The following DNAH5 variants were observed in gnomAD, a reference collection of about 807,000 sequenced individuals.
The protein encoded by DNAH5 is dynein axonemal heavy chain 5, also known as axonemal beta dynein heavy chain 5.
A neutral mutation model predicts 518.2 loss-of-function variants in DNAH5; 372 were observed. That is an observed-to-expected ratio of 0.72 (90% confidence interval 0.66 to 0.78). DNAH5 has a LOEUF of 0.78. Ranked by LOEUF, DNAH5 falls within the 30% of genes least tolerant of loss-of-function variation. The pLI is 0.00. For missense variants in DNAH5, 5,523 were observed against 5,687.0 expected (o/e 0.97, Z 0.93); for synonymous variants, 2,039 against 2,025.9 (o/e 1.01, Z -0.17).
At chr5:13,820,207 T>G (rs1762033577) in intron 41 of DNAH5, 139 bp downstream of exon 41, 2 of 952,920 alleles carry the variant, frequency 2.1e-6, no homozygotes, top group African/African-American at 1.6e-5. Context: ...CTCTAAAATG[T>G]TCCCAATAAT....
chr5:13,794,635 G>T, intron 47 of DNAH5, among the ~76,000 whole-genome samples: 1 of 152,182 alleles, frequency 6.6e-6, no homozygotes, highest in East Asian at 1.9e-4. Context: ...TCTGAGCTTA[G>T]GCAGTGCAAG....
chr5:13,701,009 C>T (rs777928335), intron 77 of DNAH5, 138 bp from the exon 78 acceptor site: 31 of 1,003,694 alleles, frequency 3.1e-5, no homozygotes, highest in Non-Finnish European at 4.2e-5. Flanking sequence ...TAGCAAGATT[C>T]CCTCATTAAA....
At position 13,759,025 on chromosome 5, in the gene DNAH5, CTCAAAACA is replaced by C. The variant is rs1245181203; in HGVS notation, c.10282-50_10282-43del. ...CAGAGTGAAGAGATGGGCAGCCAAC[CTCAAAACA>C]TCCTGCATTTCAGGGTCTGAGAACT... On this transcript the variant is annotated intron_variant, in intron 60 of 78. Transcript: ENST00000265104. 1.6e-5 allele frequency: 25 copies of C among 1,612,866 alleles called. No homozygotes were observed. The Admixed American group carries it at 3.8e-4, about 25-fold the overall frequency.
chr5:13,896,896 T>C (rs1475632744), intron 15 of DNAH5, among the ~76,000 whole-genome samples: 2 of 152,242 alleles, frequency 1.3e-5, no homozygotes, highest in African/African-American at 4.8e-5. Flanking sequence ...TAAGGTCATA[T>C]ATGTGCATGT....
intron 10 of DNAH5, 125 bp from the exon 11 acceptor site, chr5:13,914,083 C>CA: frequency 8.5e-7 from 1 of 1,171,146 alleles, no homozygotes; most frequent in Non-Finnish European, 1.2e-6. Flanking sequence ...CATGCCTTTG[C>CA]TTGTACTCAC....
chr5:13,922,366 A>G (rs1030766728), intron 4 of DNAH5, 38 bp from the exon 5 acceptor site: 1 of 1,556,948 alleles, frequency 6.4e-7, no homozygotes, highest in South Asian at 1.1e-5. Context: ...TGTAAAAATC[A>G]TCCTCAAATG....
chr5:13,805,100 C>T (rs1228483866), intron 47 of DNAH5, among the ~76,000 whole-genome samples: 1 of 152,112 alleles, frequency 6.6e-6, no homozygotes, highest in Non-Finnish European at 1.5e-5. Flanking sequence ...CCTCATACCA[C>T]TCATGCCAAC....
chr5:13,774,804 T>C (rs948515505), intron 55 of DNAH5, among the ~76,000 whole-genome samples: 5 of 152,132 alleles, frequency 3.3e-5, no homozygotes, highest in Admixed American at 2.0e-4. Context: ...AATAAGACCT[T>C]TGTCTACAAA....
intron 21 of DNAH5, among the ~76,000 whole-genome samples, chr5:13,877,275 G>A (rs1007217844): frequency 2.0e-5 from 3 of 152,136 alleles, no homozygotes; most frequent in East Asian, 3.9e-4. Context: ...CCCTGGAAAA[G>A]CCCTGTTCAA....
intron 76 of DNAH5, among the ~76,000 whole-genome samples, chr5:13,704,107 G>T (rs998337609): frequency 6.6e-6 from 1 of 152,228 alleles, no homozygotes; most frequent in African/African-American, 2.4e-5. Context: ...GCATAAGGAA[G>T]TAGGGTGCAG....
At chr5:13,918,214 T>C (rs1407127202) in intron 7 of DNAH5, among the ~76,000 whole-genome samples, 1 of 152,220 alleles carries the variant, frequency 6.6e-6, no homozygotes, top group African/African-American at 2.4e-5. Flanking sequence ...AGCCAGCTGC[T>C]ATGTTCTAAG....
intron 61 of DNAH5, among the ~76,000 whole-genome samples, chr5:13,757,741 C>G (rs890002021): frequency 3.3e-5 from 5 of 152,084 alleles, no homozygotes; most frequent in Non-Finnish European, 7.4e-5. Context: ...AGGACATGAA[C>G]AGACATTTTT....
At chr5:13,787,861 A>G (rs1224289672) in intron 51 of DNAH5, among the ~76,000 whole-genome samples, 2 of 152,224 alleles carry the variant, frequency 1.3e-5, no homozygotes, top group Admixed American at 1.3e-4. Context: ...GTTCACATTT[A>G]CAGTTATCAA....
intron 53 of DNAH5, among the ~76,000 whole-genome samples, chr5:13,778,384 C>G (rs1049132529): frequency 6.7e-6 from 1 of 148,874 alleles, no homozygotes; most frequent in African/African-American, 2.5e-5. Flanking sequence ...AAAACAAATA[C>G]TTCTAGAAGA....
chr5:13,793,249 T>C (rs562232468), intron 49 of DNAH5, among the ~76,000 whole-genome samples: 99 of 152,346 alleles, frequency 6.5e-4, no homozygotes, highest in African/African-American at 2.3e-3. Context: ...TCCATGTTCA[T>C]TTAATGTTAA....
intron 3 of DNAH5, among the ~76,000 whole-genome samples, chr5:13,923,978 G>A (rs796744306): frequency 3.9e-5 from 6 of 152,132 alleles, no homozygotes; most frequent in Non-Finnish European, 5.9e-5. Context: ...CCCAGGAGGC[G>A]GAGGTTGCAG....
At position 13,866,295 on chromosome 5, in the gene DNAH5, T is replaced by A. The variant is rs772367117; in HGVS notation, c.4054-13A>T. ...CCATTGGACCATTCTGAACAAAAAG[T>A]AAAAAAAGAAAAATAGAAGGAAGTG... On this transcript the variant is annotated splice_polypyrimidine_tract_variant and intron_variant, in intron 25 of 78. Transcript: ENST00000265104. 1 of 1,609,418 alleles carries A rather than the reference T, an allele frequency of 6.2e-7. No individual in the cohort carries two copies.
In DNAH5 at chr5:13,737,351, T is replaced by C; in HGVS notation, c.11356A>G (p.Ser3786Gly). 1 of 1,614,160 alleles carries C rather than the reference T, an allele frequency of 6.2e-7. No homozygotes were observed. Among genetic ancestry groups the C allele is most frequent in the Non-Finnish European group, 8.5e-7 (1 of 1,180,008 alleles). ...TCCTCGGCTGTCCTTTTTGTGTTAC[T>C]CAGCACGACAATGAGACTTTCATCT... ...VEDESLIVVL[S>G]NTKRTAEEVT... Residue 3786 changes from serine (S) to glycine (G), a missense_variant, in exon 66 of 79, where the codon AGT becomes GGT. By Grantham distance (56) the Ser-to-Gly change is moderately conservative (BLOSUM62 0). Around this residue, in one of 3 missense-constraint regions of DNAH5, gnomAD observed 5,121 missense variants for 5,223.3 expected, o/e 0.98. Transcript: ENST00000265104.
intron 1 of DNAH5, among the ~76,000 whole-genome samples, chr5:13,983,389 A>T (rs1782820205): frequency 6.6e-6 from 1 of 152,236 alleles, no homozygotes; most frequent in African/African-American, 2.4e-5. Flanking sequence ...CACTCTTAAA[A>T]ATAATCAAGG....
Sources: allele counts gnomAD v4.1 joint callset (sites outside exome capture counted in the v4.1 genomes callset), GRCh38; gene constraint gnomAD v4.1.1; regional missense constraint gnomAD v4.1.1; transcripts MANE v1.5; gene names NCBI Gene and HGNC (gene_info 2026-07-23, HGNC 2026-07-21).